Variants in PRKDC observed in about 807,000 individuals in gnomAD.
PRKDC encodes the protein DNA-dependent protein kinase catalytic subunit.
In PRKDC, 82 loss-of-function variants were observed where a neutral mutation model predicts 486.9. The ratio of observed to expected loss-of-function variants is 0.17; its 90% CI spans 0.14 to 0.20. The LOEUF (loss-of-function observed/expected upper bound fraction) is 0.20, where lower values mean the gene tolerates loss of function less well. Ranked by LOEUF, PRKDC falls within the 10% of genes least tolerant of loss-of-function variation. The pLI, the probability that PRKDC is intolerant of heterozygous loss-of-function variation, is 1.00. For missense variants in PRKDC, 4,504 were observed against 5,038.2 expected, an observed-to-expected ratio of 0.89 and a Z score of 3.21; for synonymous variants, 1,895 against 1,837.0, an observed-to-expected ratio of 1.03 and a Z score of -0.81.
At chr8:47,855,404 T>C (rs1563768812) in intron 49 of PRKDC, 31 bp from the exon 50 acceptor site, 1 of 1,540,078 alleles carries the variant, frequency 6.5e-7, no homozygotes, top group Non-Finnish European at 8.7e-7. Flanking sequence ...TGTATTAATA[T>C]GCGGCATTCC....
intron 71 of PRKDC, among the ~76,000 whole-genome samples, chr8:47,800,575 T>A (rs887800171): frequency 6.6e-6 from 1 of 150,838 alleles, no homozygotes; most frequent in Non-Finnish European, 1.5e-5. Flanking sequence ...AACCTGCACA[T>A]TGTGCACATG....
At chr8:47,954,983 G>A (rs1300026864) in intron 4 of PRKDC, among the ~76,000 whole-genome samples, 6 of 151,698 alleles carry the variant, frequency 4.0e-5, no homozygotes, top group African/African-American at 1.5e-4. Flanking sequence ...GTAAAACCCC[G>A]TCTCTACTAA....
At chr8:47,958,454 C>G in intron 1 of PRKDC, among the ~76,000 whole-genome samples, 1 of 152,122 alleles carries the variant, frequency 6.6e-6, no homozygotes, top group East Asian at 1.9e-4. Flanking sequence ...CAGACCTGTG[C>G]TGTTTTAAAC....
rs1220833222 is a variant in PRKDC at position 47,823,960 on chromosome 8, A to G, written c.8820T>C (p.Arg2940=). 1 of 1,613,340 alleles carries G rather than the reference A, an allele frequency of 6.2e-7. No individual in the cohort carries two copies. The highest frequency in any genetic ancestry group is 1.1e-5 in the South Asian group (1 of 91,014). ...YRSIGEYDVL[R]GIFTSEIGTK... ...TTCCTATCTCACTGGTAAAAATCCC[A>G]CGGAGGACGTCGTATTCTCCAATTG... The change falls in exon 64 of 86, where the codon CGT becomes CGC. Residue 2940 remains arginine, a synonymous_variant. Coordinates refer to ENST00000314191, the MANE Select transcript of PRKDC (RefSeq NM_006904.7).
At chr8:47,820,678 CTA>C (rs776703320) in intron 66 of PRKDC, 39 bp downstream of exon 66, 10 of 920,650 alleles carry the variant, frequency 1.1e-5, no homozygotes, top group Non-Finnish European at 1.2e-5. Flanking sequence ...TATATATACA[CTA>C]TATATATACA....
At chr8:47,849,128 C>T in intron 54 of PRKDC, 26 bp downstream of exon 54, 3 of 1,608,948 alleles carry the variant, frequency 1.9e-6, no homozygotes, top group Non-Finnish European at 2.5e-6. Flanking sequence ...CAGTGGGACC[C>T]AAGAGCAGGG....
At position 47,849,167 on chromosome 8, in the gene PRKDC, C is replaced by T. The variant is rs564041915; in HGVS notation, c.7267G>A (p.Val2423Ile). ...GTGTTCACTCACCTATGTCTCATGA[C>T]TTGAACGAAGTCCTTGCTCTTTAAC... is the stretch of plus-strand genomic sequence containing the variant. ...FQLKSKDFVQVMRHRDDERQK... is the reference protein window; with the variant it reads ...FQLKSKDFVQIMRHRDDERQK... Residue 2423 changes from valine to isoleucine, a missense_variant, in exon 54 of 86, where the codon GTC becomes ATC. Physicochemically the swap from Val to Ile is conservative, Grantham distance 29 (BLOSUM62 3). Transcript: ENST00000314191. The T allele has an allele frequency of 6.2e-7, 1 of 1,613,990 alleles. No individual in the cohort carries two copies. Among genetic ancestry groups the T allele is most frequent in the Non-Finnish European group, 8.5e-7 (1 of 1,179,860 alleles).
At chr8:47,783,538 C>T (rs902377605) in intron 78 of PRKDC, among the ~76,000 whole-genome samples, 1 of 151,560 alleles carries the variant, frequency 6.6e-6, no homozygotes, top group Non-Finnish European at 1.5e-5. Context: ...TGCAGTGAGC[C>T]GAGACCGTCC....
At chr8:47,845,477 C>T (rs2088243843) in intron 54 of PRKDC, among the ~76,000 whole-genome samples, 1 of 152,088 alleles carries the variant, frequency 6.6e-6, no homozygotes, top group South Asian at 2.1e-4. Flanking sequence ...CCTGATCCCA[C>T]AGCAATACAA....
At chr8:47,799,416 A>G (rs1563740575) in intron 71 of PRKDC, 26 bp from the exon 72 acceptor site, 1 of 1,473,414 alleles carries the variant, frequency 6.8e-7, no homozygotes, top group East Asian at 2.4e-5. Flanking sequence ...ACCTAAACCC[A>G]TGAGCATGAC....
chr8:47,826,851 C>T lies in PRKDC; in HGVS notation c.8588G>A (p.Cys2863Tyr). 1 of 1,581,584 alleles carries T rather than the reference C, an allele frequency of 6.3e-7. No individual in the cohort carries two copies. The highest frequency in any genetic ancestry group is 8.6e-7 in the Non-Finnish European group (1 of 1,160,868). ...GAGGCTCAGCAGGGCTGCGTGCTGA[C>T]AGCTAATGTCCTGTGAAACCACACA... is the stretch of plus-strand genomic sequence containing the variant. ...PFVSCIQDIS[C>Y]QHAALLSLDP... The change falls in exon 63 of 86, where the codon TGT becomes TAT. Residue 2863 changes from cysteine (C) to tyrosine (Y), a missense_variant. Physicochemically the swap from Cys to Tyr is radical, Grantham distance 194 (BLOSUM62 -2). This residue lies in a region of PRKDC where 1,592 missense variants were observed against 1,724.6 expected (regional missense o/e 0.92). Transcript: ENST00000314191.
At chr8:47,953,757 A>G in intron 6 of PRKDC, 38 bp from the exon 7 acceptor site, 1 of 1,586,448 alleles carries the variant, frequency 6.3e-7, no homozygotes, top group Non-Finnish European at 8.6e-7. Flanking sequence ...ATTACAAGAG[A>G]AAAACACAAC....
intron 28 of PRKDC, 96 bp from the exon 29 acceptor site, chr8:47,898,665 G>T: frequency 2.8e-6 from 2 of 713,592 alleles, no homozygotes; most frequent in South Asian, 5.7e-5. Flanking sequence ...ATTTTTAACT[G>T]AAAAGGTAAT....
At chr8:47,883,516 T>G (rs143657471) in intron 36 of PRKDC, among the ~76,000 whole-genome samples, 1 of 152,172 alleles carries the variant, frequency 6.6e-6, no homozygotes, top group African/African-American at 2.4e-5. Context: ...TCCTGACCCC[T>G]GCCCTCCGGA....
chr8:47,910,020 G>C (rs2089866476), intron 25 of PRKDC, among the ~76,000 whole-genome samples: 1 of 152,002 alleles, frequency 6.6e-6, no homozygotes, highest in Non-Finnish European at 1.5e-5. Context: ...TCATATACCC[G>C]CTCCTCTTTT....
rs1251465968 is a variant in PRKDC at position 47,933,103 on chromosome 8, A to G, written c.1693T>C (p.Tyr565His). The change falls in exon 16 of 86, where the codon TAT becomes CAT. Residue 565 changes from tyrosine (Y) to histidine (H), a missense_variant. Transcript: ENST00000314191. ...AAAACGGATTTTACAAATTCATCAT[A>G]AAGTAAATGATTCAGACTTTCACTG... ...SSSESLNHLL[Y>H]DEFVKSVLKI... is the part of the protein sequence containing the mutation. 27 of 1,581,304 alleles carry G rather than the reference A, an allele frequency of 1.7e-5. No homozygotes were observed. Among genetic ancestry groups the G allele is most frequent in the Non-Finnish European group, 2.1e-5 (25 of 1,164,788 alleles).
rs1346717232 is a variant in PRKDC, at chr8:47,934,937, G to A, written c.1497+72C>T. 16 of 1,257,062 alleles carry A rather than the reference G, an allele frequency of 1.3e-5. No homozygotes were observed. The Admixed American group carries it at 1.4e-4, about 11-fold the overall frequency. The allele number at this position is 1,257,062 out of a possible 1,614,324, so 77.9% of individuals were successfully genotyped here. On this transcript the variant is annotated intron_variant, in intron 14 of 85. Transcript: ENST00000314191. Reference sequence around the variant, plus strand: ...CGGCCACTTTTGCAAAATTATATTCGAAAACCTCAGCAACATTCCTAGCTT... The same window carrying A: ...CGGCCACTTTTGCAAAATTATATTCAAAAACCTCAGCAACATTCCTAGCTT...
chr8:47,940,565 T>C (rs2090427561), intron 10 of PRKDC, among the ~76,000 whole-genome samples: 1 of 152,268 alleles, frequency 6.6e-6, no homozygotes, highest in South Asian at 2.1e-4. Context: ...ACATTGTATA[T>C]ACTGTTTCAT....
rs1230071707 is a variant in PRKDC, at chr8:47,773,942, T to C, written c.*231A>G. On this transcript the variant is annotated 3_prime_UTR_variant, in exon 86 of 86. Coordinates refer to ENST00000314191, the MANE Select transcript of PRKDC (RefSeq NM_006904.7). ...ATACTTTGGTAAGCCTGGATATCTA[T>C]CTTTCTATAAACCTCACCTAATCTT... is the stretch of plus-strand genomic sequence containing the variant. The C allele has an allele frequency of 4.5e-6, 2 of 448,026 alleles. No homozygotes were observed. The highest frequency in any genetic ancestry group is 7.8e-6 in the Non-Finnish European group (2 of 254,856). The allele number at this position is 448,026 out of a possible 1,614,324, so 27.8% of individuals were successfully genotyped here. A position where few individuals can be genotyped will look rare whatever the true frequency, so the allele number is the denominator to read the frequency against.
Sources: allele counts gnomAD v4.1 joint callset (sites outside exome capture counted in the v4.1 genomes callset), GRCh38; gene constraint gnomAD v4.1.1; regional missense constraint gnomAD v4.1.1; transcripts MANE v1.5; gene names NCBI Gene and HGNC (gene_info 2026-07-23, HGNC 2026-07-21).